Variants in ADIPOQ observed in about 807,000 individuals in gnomAD.
The protein encoded by ADIPOQ is adiponectin, C1Q and collagen domain containing.
Under a neutral mutation model 16.1 loss-of-function variants are expected in ADIPOQ, and 19 were observed. The observed-to-expected ratio is 1.18, with a 90% CI of 0.82 to 1.73. The LOEUF (loss-of-function observed/expected upper bound fraction) is 1.73, where lower values mean the gene tolerates loss of function less well. Ranked by LOEUF, ADIPOQ falls within the 40% of genes most tolerant of loss-of-function variation. ADIPOQ has a pLI of 0.00. For synonymous variants in ADIPOQ, 124 were observed against 125.5 expected (o/e 0.99, Z 0.08); for missense variants, 323 against 308.3 (o/e 1.05, Z -0.36).
chr3:186,853,196 T>A lies in ADIPOQ; in HGVS notation c.138T>A (p.His46Gln). 6.2e-7 allele frequency: 1 copy of A among 1,613,978 alleles called. No individual in the cohort carries two copies. The highest frequency in any genetic ancestry group is 1.6e-4 in the Middle Eastern group (1 of 6,062). Residue 46 changes from histidine to glutamine, a missense_variant, in exon 2 of 3, where the codon CAT (histidine) becomes CAA (glutamine). By Grantham distance (24) the His-to-Gln change is conservative. Transcript: ENST00000320741. ...GTTGGATGGCGGGCATCCCAGGGCATCCGGGCCATAATGGGGCCCCAGGCC... is the reference window on the plus strand; with the variant it reads ...GTTGGATGGCGGGCATCCCAGGGCAACCGGGCCATAATGGGGCCCCAGGCC... ...CTGWMAGIPG[H>Q]PGHNGAPGRD...
At position 186,855,794 on chromosome 3, in the gene ADIPOQ, G is replaced by T. The variant is rs1303819851; in HGVS notation, c.*1090G>T. On this transcript the variant is annotated 3_prime_UTR_variant, in exon 3 of 3. Transcript: ENST00000320741. ...ATTTTGCCATGGATGAGAGTCCTGG[G>T]TGTGAGGAACACCTCCCACCAGGCT... The T allele has an allele frequency of 6.6e-6, 1 of 152,184 alleles. No individual in the cohort carries two copies. Among genetic ancestry groups the T allele is most frequent in the Non-Finnish European group, 1.5e-5 (1 of 68,058 alleles). The allele number at this position is 152,184 out of a possible 1,614,324, so 9.4% of individuals were successfully genotyped here. A position where few individuals can be genotyped will look rare whatever the true frequency, so the allele number is the denominator to read the frequency against.
intron 1 of ADIPOQ, chr3:186,852,738 C>G (rs1711824432): frequency 6.4e-6 from 2 of 312,164 alleles, no homozygotes; most frequent in Non-Finnish European, 1.2e-5. Context: ...TTGGAGCTTT[C>G]CCTGTGCTTG....
intron 1 of ADIPOQ, among the ~76,000 whole-genome samples, chr3:186,850,341 C>G (rs1205942088): frequency 1.3e-5 from 2 of 149,008 alleles, no homozygotes; most frequent in African/African-American, 4.9e-5. Context: ...ACTAAACTGA[C>G]AACACACAAA....
In ADIPOQ at chr3:186,857,292, T is replaced by C. The variant is rs1579213199; in HGVS notation, c.*2588T>C. On this transcript the variant is annotated 3_prime_UTR_variant, in exon 3 of 3. Coordinates refer to ENST00000320741, the MANE Select transcript of ADIPOQ (RefSeq NM_004797.4). Reference sequence around the variant, plus strand: ...TTAATTGCAGCTTAAGTTAGGGGTATGTAGAGGTATTTTCCCTAAAGCAAA... The same window carrying C: ...TTAATTGCAGCTTAAGTTAGGGGTACGTAGAGGTATTTTCCCTAAAGCAAA... 6.6e-6 allele frequency: 1 copy of C among 152,200 alleles called. No individual in the cohort carries two copies. The highest frequency in any genetic ancestry group is 6.5e-5 in the Admixed American group (1 of 15,286). 9.4% of individuals were successfully genotyped at this position (152,200 alleles called of 1,614,324 possible).
chr3:186,843,504 A>G (rs746152325), intron 1 of ADIPOQ, among the ~76,000 whole-genome samples: 6 of 152,038 alleles, frequency 3.9e-5, no homozygotes, highest in Non-Finnish European at 8.8e-5. Context: ...TACCAAAAAT[A>G]CAAAAATTAG....
rs1174404442 is a variant in ADIPOQ, at chr3:186,854,944, A to T, written c.*240A>T. On this transcript the variant is annotated 3_prime_UTR_variant, in exon 3 of 3. Coordinates refer to ENST00000320741, the MANE Select transcript of ADIPOQ (RefSeq NM_004797.4). ...AACTGACTAGAAAGAAGTAGTTGAC[A>T]GTGCTATTTTGTGCCCACTGTCTCT... The T allele has an allele frequency of 6.9e-6, 4 of 582,332 alleles. No homozygotes were observed. Among genetic ancestry groups the T allele is most frequent in the Non-Finnish European group, 8.9e-6 (3 of 336,118 alleles). The allele number at this position is 582,332 out of a possible 1,614,324, so 36.1% of individuals were successfully genotyped here.
At position 186,854,936 on chromosome 3, in the gene ADIPOQ, T is replaced by C; in HGVS notation, c.*232T>C. On this transcript the variant is annotated 3_prime_UTR_variant, in exon 3 of 3. Transcript: ENST00000320741. ...GACCAGATAACTGACTAGAAAGAAG[T>C]AGTTGACAGTGCTATTTTGTGCCCA... The C allele has an allele frequency of 1.7e-6, 1 of 599,986 alleles. No homozygotes were observed. Among genetic ancestry groups the C allele is most frequent in the Non-Finnish European group, 2.9e-6 (1 of 348,372 alleles). The allele number at this position is 599,986 out of a possible 1,614,324, so 37.2% of individuals were successfully genotyped here. A position where few individuals can be genotyped will look rare whatever the true frequency, so the allele number is the denominator to read the frequency against.
chr3:186,852,741 T>C, intron 1 of ADIPOQ: 3 of 315,364 alleles, frequency 9.5e-6, no homozygotes, highest in East Asian at 6.0e-5. Context: ...GAGCTTTCCC[T>C]GTGCTTGGTC....
At chr3:186,853,744 T>C (rs1711873224) in intron 2 of ADIPOQ, 1 of 221,216 alleles carries the variant, frequency 4.5e-6, no homozygotes, top group Non-Finnish European at 9.0e-6. Flanking sequence ...TGAACAAGTA[T>C]TCAAAGTATG....
Position 186,854,768 on chromosome 3 carries a change from A to G in ADIPOQ, c.*64A>G, listed in dbSNP as rs1290039915. 1 of 1,579,390 alleles carries G rather than the reference A, an allele frequency of 6.3e-7. No individual in the cohort carries two copies. Among genetic ancestry groups the G allele is most frequent in the Non-Finnish European group, 8.7e-7 (1 of 1,151,854 alleles). ...CCAAAGTCAATTAAAGGCTTTCAGT[A>G]CGGTTAGGAAGTTGATTATTATTTA... On this transcript the variant is annotated 3_prime_UTR_variant, in exon 3 of 3. Coordinates refer to ENST00000320741, the MANE Select transcript of ADIPOQ (RefSeq NM_004797.4).
At chr3:186,851,063 G>A (rs1194680815) in intron 1 of ADIPOQ, among the ~76,000 whole-genome samples, 1 of 152,078 alleles carries the variant, frequency 6.6e-6, no homozygotes, top group African/African-American at 2.4e-5. Flanking sequence ...CCATGTTTTT[G>A]GGGTGAGATT....
rs1466356440 is a variant in ADIPOQ, at chr3:186,854,573, C to A, written c.604C>A (p.Leu202Ile). ...TGTGGACCAGGCCTCCGGCTCTGTGCTCCTGCATCTGGAGGTGGGCGACCA... is the reference window on the plus strand; with the variant it reads ...TGTGGACCAGGCCTCCGGCTCTGTGATCCTGCATCTGGAGGTGGGCGACCA... ...NNVDQASGSV[L>I]LHLEVGDQVW... The change falls in exon 3 of 3, where the codon CTC becomes ATC. Residue 202 changes from leucine to isoleucine, a missense_variant. Physicochemically the swap from Leu to Ile is conservative, Grantham distance 5. Coordinates refer to ENST00000320741, the MANE Select transcript of ADIPOQ (RefSeq NM_004797.4). 6.2e-7 allele frequency: 1 copy of A among 1,614,034 alleles called. No homozygotes were observed. The highest frequency in any genetic ancestry group is 1.7e-5 in the Admixed American group (1 of 60,022).
At position 186,856,332 on chromosome 3, in the gene ADIPOQ, T is replaced by C. The variant is rs1389842496; in HGVS notation, c.*1628T>C. On this transcript the variant is annotated 3_prime_UTR_variant, in exon 3 of 3. Coordinates refer to ENST00000320741, the MANE Select transcript of ADIPOQ (RefSeq NM_004797.4). ...CAGAGTAAATAGCATTCTCTATCAA[T>C]ATATAAATTTAAAAAACTATCTTTT... 6.6e-6 allele frequency: 1 copy of C among 152,220 alleles called. No individual in the cohort carries two copies. The highest frequency in any genetic ancestry group is 6.5e-5 in the Admixed American group (1 of 15,280). The allele number at this position is 152,220 out of a possible 1,614,324, so 9.4% of individuals were successfully genotyped here. A position where few individuals can be genotyped will look rare whatever the true frequency, so the allele number is the denominator to read the frequency against.
At chr3:186,852,956 C>A in intron 1 of ADIPOQ, 95 bp from the exon 2 acceptor site, 2 of 1,311,126 alleles carry the variant, frequency 1.5e-6, no homozygotes, top group Non-Finnish European at 2.2e-6. Context: ...TAGAAGTAGA[C>A]TCTGCTGAGA....
chr3:186,848,078 C>A (rs1412459540), intron 1 of ADIPOQ, among the ~76,000 whole-genome samples: 2 of 151,650 alleles, frequency 1.3e-5, no homozygotes, highest in Non-Finnish European at 2.9e-5. Flanking sequence ...GAGGGTGAGG[C>A]AGGAGCATCA....
intron 1 of ADIPOQ, among the ~76,000 whole-genome samples, chr3:186,843,390 T>A (rs1413573705): frequency 1.3e-5 from 2 of 152,200 alleles, no homozygotes; most frequent in Non-Finnish European, 2.9e-5. Context: ...CCAGCCATGG[T>A]GGCTCACACC....
In ADIPOQ at chr3:186,854,088, T is replaced by G. The variant is rs532421769; in HGVS notation, c.215-96T>G. The G allele has an allele frequency of 8.9e-6, 12 of 1,344,232 alleles. No homozygotes were observed. The African/African-American group carries it at 1.6e-4, about 18-fold the overall frequency. 83.3% of individuals were successfully genotyped at this position (1,344,232 alleles called of 1,614,324 possible). A position where few individuals can be genotyped will look rare whatever the true frequency, so the allele number is the denominator to read the frequency against. On this transcript the variant is annotated intron_variant, in intron 2 of 2. Transcript: ENST00000320741. Reference sequence around the variant, plus strand: ...TTTCTTGATCTATAAGTCAAGAAGGTTGTGAGTGGGAGCCACAGGGATGGT... The same window carrying G: ...TTTCTTGATCTATAAGTCAAGAAGGGTGTGAGTGGGAGCCACAGGGATGGT...
intron 1 of ADIPOQ, among the ~76,000 whole-genome samples, chr3:186,847,292 GAA>G (rs1711603444): frequency 1.3e-5 from 2 of 152,184 alleles, no homozygotes; most frequent in Admixed American, 1.3e-4. Context: ...TGTGAGAATC[GAA>G]TGAGACACTA....
intron 1 of ADIPOQ, 198 bp from the exon 2 acceptor site, chr3:186,852,853 G>A: frequency 3.3e-6 from 2 of 601,470 alleles, no homozygotes; most frequent in Non-Finnish European, 5.9e-6. Context: ...ATAATGCTAA[G>A]TATTACAGAT....
Sources: gnomAD v4.1 joint callset for allele counts (sites outside exome capture counted in the v4.1 genomes callset) on GRCh38, gnomAD v4.1.1 for gene constraint, MANE v1.5 for transcripts, NCBI Gene and HGNC (gene_info 2026-07-23, HGNC 2026-07-21) for gene names.